Variants in ARPP21 observed in about 807,000 individuals in gnomAD.
ARPP21 encodes cAMP regulated phosphoprotein 21.
Under a neutral mutation model 113.2 loss-of-function variants are expected in ARPP21, and 69 were observed. The observed-to-expected ratio is 0.61, with a 90% CI of 0.50 to 0.74. ARPP21 has a LOEUF of 0.74. ARPP21 is among the 30% of genes least tolerant of loss of function. ARPP21 has a pLI of 0.00. For missense variants in ARPP21, 1,070 were observed against 1,037.4 expected (o/e 1.03, Z -0.43); for synonymous variants, 368 against 375.5 (o/e 0.98, Z 0.23).
At chr3:35,728,700 AG>A (rs1424960000) in intron 14 of ARPP21, among the ~76,000 whole-genome samples, 1 of 152,140 alleles carries the variant, frequency 6.6e-6, no homozygotes, top group Non-Finnish European at 1.5e-5. Flanking sequence ...ACTCCTTAAA[AG>A]GGATCCTATT....
chr3:35,678,810 C>T (rs971105167), intron 1 of ARPP21: 6 of 151,872 alleles, frequency 4.0e-5, no homozygotes, highest in African/African-American at 9.7e-5. Context: ...TCTCAAACTA[C>T]GTAACTGGGA....
intron 1 of ARPP21, among the ~76,000 whole-genome samples, chr3:35,667,592 T>G (rs2074704874): frequency 6.6e-6 from 1 of 152,072 alleles, no homozygotes; most frequent in Non-Finnish European, 1.5e-5. Context: ...GAAGTTGGAC[T>G]CTATTTGTAG....
At chr3:35,719,793 A>C (rs1438375758) in intron 13 of ARPP21, among the ~76,000 whole-genome samples, 1 of 152,218 alleles carries the variant, frequency 6.6e-6, no homozygotes, top group Non-Finnish European at 1.5e-5. Context: ...AAATATTTCA[A>C]ATTAGCTGCA....
At position 35,673,732 on chromosome 3, in the gene ARPP21, A is replaced by G. The variant is rs367853432; in HGVS notation, c.-212-6055A>G. 7.9e-5 allele frequency among the ~76,000 whole-genome samples: 12 copies of G among 152,034 alleles called. No homozygotes were observed. In the East Asian group the frequency reaches 1.9e-3, roughly 25 times the overall value. ...TCTCTTCCTTTTAACTTTCTTTGAGAAAGGTTTTAATAACTCAAACACTTA... is the reference window on the plus strand; with the variant it reads ...TCTCTTCCTTTTAACTTTCTTTGAGGAAGGTTTTAATAACTCAAACACTTA... On this transcript the variant is annotated intron_variant, in intron 1 of 20. Transcript: ENST00000684406.
At chr3:35,737,901 A>G (rs1163819197) in intron 16 of ARPP21, among the ~76,000 whole-genome samples, 1 of 152,238 alleles carries the variant, frequency 6.6e-6, no homozygotes, top group Non-Finnish European at 1.5e-5. Flanking sequence ...GTAGGCTGCT[A>G]GAGTGAAACT....
chr3:35,649,536 G>T (rs1242019974), intron 1 of ARPP21, among the ~76,000 whole-genome samples: 2 of 152,122 alleles, frequency 1.3e-5, no homozygotes, highest in East Asian at 3.9e-4. Context: ...AGAGCTAAAG[G>T]CAACCCATCT....
At position 35,743,941 on chromosome 3, in the gene ARPP21, A is replaced by T. The variant is rs771642773; in HGVS notation, c.2113A>T (p.Met705Leu). 8.7e-6 allele frequency: 14 copies of T among 1,614,066 alleles called. No individual in the cohort carries two copies. The South Asian group carries it at 1.3e-4, about 15-fold the overall frequency. The change falls in exon 19 of 21, where the codon ATG (methionine) becomes TTG (leucine). Residue 705 changes from methionine to leucine, a missense_variant. Coordinates refer to ENST00000684406, the MANE Select transcript of ARPP21 (RefSeq NM_001385562.1). ...GTACAACGCTCAGAGGAGTCAACAG[A>T]TGCCACAGGCAGCACAGCAAGCAGG... ...VQYNAQRSQQ[M>L]PQAAQQAGYQ...
chr3:35,729,323 G>A lies in ARPP21; in HGVS notation c.1246G>A (p.Ala416Thr). The change falls in exon 15 of 21, where the codon GCA becomes ACA. Residue 416 changes from alanine to threonine, a missense_variant. By Grantham distance (58) the Ala-to-Thr change is moderately conservative (BLOSUM62 0). Coordinates refer to ENST00000684406, the MANE Select transcript of ARPP21 (RefSeq NM_001385562.1). ...GCCAGGTTCCGAGTCTTCCAGCAGT[G>A]CAGGCTCCTCAGGATCGCTGTCCCG... is the stretch of plus-strand genomic sequence containing the variant. ...SKAGSESSSS[A>T]GSSGSLSRTH... 6.2e-7 allele frequency: 1 copy of A among 1,614,054 alleles called. No homozygotes were observed. Among genetic ancestry groups the A allele is most frequent in the Non-Finnish European group, 8.5e-7 (1 of 1,179,960 alleles).
chr3:35,704,640 CAA>C (rs1037295806), intron 9 of ARPP21, among the ~76,000 whole-genome samples: 2 of 151,878 alleles, frequency 1.3e-5, no homozygotes, highest in Admixed American at 1.3e-4. Context: ...TCCTACTAAC[CAA>C]ATTATCTTCT....
intron 19 of ARPP21, among the ~76,000 whole-genome samples, chr3:35,775,312 C>G (rs2096326550): frequency 6.6e-6 from 1 of 152,110 alleles, no homozygotes; most frequent in African/African-American, 2.4e-5. Flanking sequence ...TGCAATTTAT[C>G]AGGAGCGCAG....
At position 35,687,785 on chromosome 3, in the gene ARPP21, A is replaced by C. The variant is rs761431406; in HGVS notation, c.308A>C (p.Glu103Ala). The C allele has an allele frequency of 6.2e-7, 1 of 1,606,026 alleles. No homozygotes were observed. Among genetic ancestry groups the C allele is most frequent in the East Asian group, 2.2e-5 (1 of 44,670 alleles). ...QLSSFSSLQE[E>A]DKSRKDDSER... Reference sequence around the variant, plus strand: ...TCCAGTTTTTCCAGCCTGCAAGAGGAGGATAAATCTAGGAAAGATGACTCT... The same window carrying C: ...TCCAGTTTTTCCAGCCTGCAAGAGGCGGATAAATCTAGGAAAGATGACTCT... The change falls in exon 6 of 21, where the codon GAG becomes GCG. Residue 103 changes from glutamate (E) to alanine (A), a missense_variant. By Grantham distance (107) the Glu-to-Ala change is moderately radical (BLOSUM62 -1). Coordinates refer to ENST00000684406, the MANE Select transcript of ARPP21 (RefSeq NM_001385562.1).
chr3:35,776,717 G>A (rs774048825), intron 19 of ARPP21, among the ~76,000 whole-genome samples: 24 of 152,058 alleles, frequency 1.6e-4, no homozygotes, highest in Non-Finnish European at 2.8e-4. Flanking sequence ...AATTTTCTCC[G>A]AATACTTGGT....
intron 12 of ARPP21, among the ~76,000 whole-genome samples, chr3:35,717,028 A>C (rs947270630): frequency 6.6e-6 from 1 of 152,018 alleles, no homozygotes; most frequent in Admixed American, 6.6e-5. Flanking sequence ...AATCTCTATT[A>C]TACCTATATC....
intron 19 of ARPP21, among the ~76,000 whole-genome samples, chr3:35,747,606 C>T (rs1311559692): frequency 2.0e-5 from 3 of 152,042 alleles, no homozygotes; most frequent in East Asian, 1.9e-4. Flanking sequence ...TGTGGAAGAG[C>T]AGTTATCAGG....
At chr3:35,658,308 C>T (rs527643514) in intron 1 of ARPP21, among the ~76,000 whole-genome samples, 61 of 152,132 alleles carry the variant, frequency 4.0e-4, no homozygotes, top group Non-Finnish European at 8.4e-4. Flanking sequence ...CTTTCTCTTT[C>T]TTTCTTCTTC....
chr3:35,725,805 A>AC (rs1330691172), intron 14 of ARPP21, among the ~76,000 whole-genome samples: 3 of 151,220 alleles, frequency 2.0e-5, no homozygotes, highest in African/African-American at 7.3e-5. Flanking sequence ...CCCTGTGGCT[A>AC]CCCCCTAGGG....
At chr3:35,657,427 T>C (rs1464233449) in intron 1 of ARPP21, among the ~76,000 whole-genome samples, 4 of 152,234 alleles carry the variant, frequency 2.6e-5, no homozygotes, top group Non-Finnish European at 4.4e-5. Flanking sequence ...TCAGGTGATA[T>C]CAATAAACAT....
chr3:35,647,578 T>G (rs547684823), intron 1 of ARPP21, among the ~76,000 whole-genome samples: 1 of 152,228 alleles, frequency 6.6e-6, no homozygotes, highest in Admixed American at 6.5e-5. Flanking sequence ...AGGATTAAAA[T>G]GAAAGGTCCA....
At chr3:35,712,377 AT>A (rs2091377438) in intron 11 of ARPP21, among the ~76,000 whole-genome samples, 1 of 126,112 alleles carries the variant, frequency 7.9e-6, no homozygotes, top group Admixed American at 7.8e-5. Flanking sequence ...GCTTAAGTGT[AT>A]TTTTTTGCTA....
Sources: allele counts gnomAD v4.1 joint callset (sites outside exome capture counted in the v4.1 genomes callset), GRCh38; gene constraint gnomAD v4.1.1; transcripts MANE v1.5; gene names NCBI Gene and HGNC (gene_info 2026-07-23, HGNC 2026-07-21).